SPPL3: variants seen among roughly 807,000 people sequenced by gnomAD.
SPPL3 encodes signal peptide peptidase like 3.
A neutral mutation model predicts 42.4 loss-of-function variants in SPPL3; 5 were observed. The observed-to-expected ratio is 0.12, with a 90% confidence interval of 0.06 to 0.25. The LOEUF (loss-of-function observed/expected upper bound fraction) is 0.25, where lower values mean the gene tolerates loss of function less well. Ranked by LOEUF, SPPL3 falls within the 10% of genes least tolerant of loss-of-function variation. The pLI, the probability that SPPL3 is intolerant of heterozygous loss-of-function variation, is 1.00. For missense variants in SPPL3, 235 were observed against 489.0 expected, an observed-to-expected ratio of 0.48 and a Z score of 4.90; for synonymous variants, 195 against 181.8, an observed-to-expected ratio of 1.07 and a Z score of -0.58.
intron 1 of SPPL3, among the ~76,000 whole-genome samples, chr12:120,822,354 ATC>A (rs1017498459): frequency 1.3e-5 from 2 of 152,220 alleles, no homozygotes; most frequent in African/African-American, 2.4e-5. Flanking sequence ...TTTTTACTGT[ATC>A]TGTTTCATTA....
chr12:120,847,165 T>C (rs1047584581), intron 1 of SPPL3, among the ~76,000 whole-genome samples: 1 of 151,764 alleles, frequency 6.6e-6, no homozygotes, highest in Non-Finnish European at 1.5e-5. Context: ...AAAAAATAAA[T>C]TCAAACAAAA....
At chr12:120,891,118 C>T (rs1873626859) in intron 1 of SPPL3, among the ~76,000 whole-genome samples, 1 of 152,182 alleles carries the variant, frequency 6.6e-6, no homozygotes, top group Non-Finnish European at 1.5e-5. Flanking sequence ...TGCTCAATCA[C>T]ATTTGCCATT....
chr12:120,864,873 G>A (rs556961204), intron 1 of SPPL3, among the ~76,000 whole-genome samples: 9 of 152,038 alleles, frequency 5.9e-5, no homozygotes, highest in South Asian at 2.1e-4. Context: ...ATTTTTTTAC[G>A]CATTCTTAAG....
intron 8 of SPPL3, among the ~76,000 whole-genome samples, chr12:120,768,006 T>C (rs1195268277): frequency 2.0e-5 from 3 of 152,208 alleles, no homozygotes; most frequent in East Asian, 1.9e-4. Context: ...AATTCTACCA[T>C]TAGAACTTAT....
chr12:120,845,577 T>C (rs966150364), intron 1 of SPPL3: 72 of 476,590 alleles, frequency 1.5e-4, no homozygotes, highest in Middle Eastern at 1.3e-3. Context: ...CCCTGCAGCA[T>C]CCAGGCCCAC....
chr12:120,899,622 G>A (rs906438982), intron 1 of SPPL3, among the ~76,000 whole-genome samples: 14 of 152,058 alleles, frequency 9.2e-5, no homozygotes, highest in African/African-American at 3.1e-4. Flanking sequence ...CGGGCACAGT[G>A]GCTCACACCT....
chr12:120,766,098 GCGCACACACACACACACACACACACACA>G (rs1169392735), intron 10 of SPPL3, among the ~76,000 whole-genome samples, 137 bp downstream of exon 10: 2 of 144,044 alleles, frequency 1.4e-5, no homozygotes, highest in African/African-American at 2.6e-5. Context: ...TAGCGCGCGC[GCGCACACACACACACACACACACACACA>G]CACACACACA....
At chr12:120,803,808 C>A (rs1870405148) in intron 2 of SPPL3, among the ~76,000 whole-genome samples, 1 of 152,156 alleles carries the variant, frequency 6.6e-6, no homozygotes, top group South Asian at 2.1e-4. Context: ...TTCCCTACGT[C>A]ATCTAACAAG....
In SPPL3 at chr12:120,763,302, G is replaced by T. The variant is rs775230160; in HGVS notation, c.*1697C>A. ...GCAGGAATTGATGACAACAACAGAGGAATCCAACACCCTGACTGCTTCAGA... is the reference window on the plus strand; with the variant it reads ...GCAGGAATTGATGACAACAACAGAGTAATCCAACACCCTGACTGCTTCAGA... On this transcript the variant is annotated 3_prime_UTR_variant, in exon 11 of 11. Coordinates refer to ENST00000353487, the MANE Select transcript of SPPL3 (RefSeq NM_139015.5). 2 of 152,630 alleles carry T rather than the reference G, an allele frequency of 1.3e-5. No homozygotes were observed. Among genetic ancestry groups the T allele is most frequent in the Admixed American group, 6.5e-5 (1 of 15,280 alleles). 9.5% of individuals were successfully genotyped at this position (152,630 alleles called of 1,614,324 possible). A position where few individuals can be genotyped will look rare whatever the true frequency, so the allele number is the denominator to read the frequency against.
At chr12:120,786,629 C>T (rs1289307668) in intron 3 of SPPL3, among the ~76,000 whole-genome samples, 3 of 151,700 alleles carry the variant, frequency 2.0e-5, no homozygotes, top group East Asian at 3.9e-4. Context: ...ACCTTTCTGG[C>T]GTATTAGATA....
At chr12:120,900,877 G>C (rs567086827) in intron 1 of SPPL3, among the ~76,000 whole-genome samples, 2 of 150,326 alleles carry the variant, frequency 1.3e-5, no homozygotes, top group African/African-American at 4.9e-5. Flanking sequence ...AGCTTAGATC[G>C]GGCCACTGCA....
chr12:120,875,712 G>A (rs959620726), intron 1 of SPPL3, among the ~76,000 whole-genome samples: 3 of 145,860 alleles, frequency 2.1e-5, no homozygotes, highest in Non-Finnish European at 4.6e-5. Flanking sequence ...GAAAAAAGAT[G>A]AAAAATAAAT....
At chr12:120,766,096 G>GTGCACA (rs1566035697) in intron 10 of SPPL3, among the ~76,000 whole-genome samples, 167 bp downstream of exon 10, 1 of 90,724 alleles carries the variant, frequency 1.1e-5, no homozygotes, top group East Asian at 6.1e-4. Flanking sequence ...GGTAGCGCGC[G>GTGCACA]CGCGCACACA....
At chr12:120,888,942 T>C (rs1286392842) in intron 1 of SPPL3, among the ~76,000 whole-genome samples, 3 of 151,886 alleles carry the variant, frequency 2.0e-5, no homozygotes, top group Admixed American at 6.6e-5. Context: ...CCCGAGTAAA[T>C]AGCTGGGATT....
chr12:120,831,007 G>A (rs1871409413), intron 1 of SPPL3, among the ~76,000 whole-genome samples: 1 of 152,134 alleles, frequency 6.6e-6, no homozygotes, highest in African/African-American at 2.4e-5. Flanking sequence ...TCCCCAGTGT[G>A]GGAGGGCATC....
At chr12:120,868,622 C>T (rs1354055643) in intron 1 of SPPL3, among the ~76,000 whole-genome samples, 3 of 152,148 alleles carry the variant, frequency 2.0e-5, no homozygotes, top group Non-Finnish European at 4.4e-5. Flanking sequence ...GCTGGGACTA[C>T]AGGCGCATGC....
chr12:120,790,477 CCTCT>C (rs1869877270), intron 3 of SPPL3, among the ~76,000 whole-genome samples: 1 of 152,200 alleles, frequency 6.6e-6, no homozygotes, highest in Non-Finnish European at 1.5e-5. Flanking sequence ...TCTAGCATTT[CCTCT>C]CTCTTAGGTG....
At chr12:120,823,376 A>C (rs1871132221) in intron 1 of SPPL3, among the ~76,000 whole-genome samples, 2 of 151,952 alleles carry the variant, frequency 1.3e-5, no homozygotes, top group African/African-American at 4.8e-5. Flanking sequence ...ACTCCATGGA[A>C]TTTGCTCTCC....
chr12:120,808,391 A>AAT (rs1870574722), intron 2 of SPPL3, among the ~76,000 whole-genome samples: 1 of 152,108 alleles, frequency 6.6e-6, no homozygotes, highest in African/African-American at 2.4e-5. Context: ...CCTCATTTGT[A>AAT]AACAGGGAGG....
Sources: gnomAD v4.1 joint callset for allele counts (sites outside exome capture counted in the v4.1 genomes callset) on GRCh38, gnomAD v4.1.1 for gene constraint, MANE v1.5 for transcripts, NCBI Gene and HGNC (gene_info 2026-07-23, HGNC 2026-07-21) for gene names.